The following SLC38A1 variants were observed in gnomAD, a reference collection of about 807,000 sequenced individuals.
SLC38A1 encodes sodium-coupled neutral amino acid symporter 1.
A neutral mutation model predicts 60.3 loss-of-function variants in SLC38A1; 18 were observed. The observed-to-expected ratio is 0.30, with a 90% CI of 0.21 to 0.44. The LOEUF is 0.44. Ranked by LOEUF, SLC38A1 falls within the 20% of genes least tolerant of loss-of-function variation. The probability of loss-of-function intolerance (pLI) is 1.00; values close to 1 mark genes in which losing one functional copy is unlikely to be tolerated. For missense variants in SLC38A1, 448 were observed against 587.2 expected (o/e 0.76, Z 2.45); for synonymous variants, 196 against 212.1 (o/e 0.92, Z 0.66).
At chr12:46,211,912 C>T (rs779662665) in intron 5 of SLC38A1, among the ~76,000 whole-genome samples, 1 of 152,170 alleles carries the variant, frequency 6.6e-6, no homozygotes, top group Non-Finnish European at 1.5e-5. Context: ...AGCAAAACCC[C>T]CTTTTCTATC....
At chr12:46,259,927 T>C (rs1942147268) in intron 1 of SLC38A1, among the ~76,000 whole-genome samples, 1 of 152,172 alleles carries the variant, frequency 6.6e-6, no homozygotes, top group African/African-American at 2.4e-5. Flanking sequence ...ACCACTCCCC[T>C]GAAATCATGC....
chr12:46,243,480 C>G (rs1375319115), intron 1 of SLC38A1, among the ~76,000 whole-genome samples, 166 bp from the exon 2 acceptor site: 1 of 152,144 alleles, frequency 6.6e-6, no homozygotes, highest in Non-Finnish European at 1.5e-5. Context: ...ACTGTTGATA[C>G]TTGGTTAACT....
At chr12:46,216,752 C>T (rs1368053993) in intron 5 of SLC38A1, among the ~76,000 whole-genome samples, 5 of 151,922 alleles carry the variant, frequency 3.3e-5, no homozygotes, top group Middle Eastern at 3.2e-3. Context: ...CCCAGCTACT[C>T]GGGAGGCTGA....
rs191210980 is a variant in SLC38A1 at position 46,261,416 on chromosome 12, G to T, written c.-209+7110C>A. Among the ~76,000 whole-genome samples the T allele has an allele frequency of 5.5e-3, 844 of 152,204 alleles. 7 individuals are homozygous for T. Among genetic ancestry groups the T allele is most frequent in the Non-Finnish European group, 5.8e-3 (393 of 68,012 alleles). On this transcript the variant is annotated intron_variant, in intron 1 of 16. Coordinates refer to ENST00000398637, the MANE Select transcript of SLC38A1 (RefSeq NM_030674.4). ...TTATTTACAATTTCAATTCCTTGGG[G>T]ACAAGGACCATACATCTCAAAGGTC...
At chr12:46,192,361 C>T (rs982082145) in intron 16 of SLC38A1, among the ~76,000 whole-genome samples, 3 of 152,186 alleles carry the variant, frequency 2.0e-5, no homozygotes, top group Admixed American at 6.5e-5. Flanking sequence ...ATTTTCAAAT[C>T]AATGTTCCTC....
At chr12:46,192,642 C>T (rs1939192987) in intron 16 of SLC38A1, among the ~76,000 whole-genome samples, 1 of 152,190 alleles carries the variant, frequency 6.6e-6, no homozygotes, top group East Asian at 1.9e-4. Flanking sequence ...GATTCAGCTT[C>T]TTCCTGGTTT....
At chr12:46,214,419 T>G (rs1255162370) in intron 5 of SLC38A1, among the ~76,000 whole-genome samples, 3 of 152,356 alleles carry the variant, frequency 2.0e-5, no homozygotes, top group East Asian at 3.9e-4. Context: ...TGAATCATAT[T>G]AACAGAATTG....
chr12:46,246,671 T>A (rs1354317716), intron 1 of SLC38A1, among the ~76,000 whole-genome samples: 2 of 152,318 alleles, frequency 1.3e-5, no homozygotes, highest in East Asian at 3.9e-4. Context: ...CCCAGCATGA[T>A]GTTTGAGCTC....
chr12:46,223,211 G>A (rs1940727589), intron 5 of SLC38A1, among the ~76,000 whole-genome samples: 1 of 152,108 alleles, frequency 6.6e-6, no homozygotes, highest in South Asian at 2.1e-4. Context: ...TTTCTAATGT[G>A]TGATCACAGG....
chr12:46,207,437 T>C, intron 7 of SLC38A1, 92 bp downstream of exon 7: 1 of 1,282,268 alleles, frequency 7.8e-7, no homozygotes, highest in South Asian at 1.2e-5. Flanking sequence ...GCAATGAGGA[T>C]GATAACTGCT....
intron 16 of SLC38A1, among the ~76,000 whole-genome samples, chr12:46,190,112 G>C (rs1939084634): frequency 6.6e-6 from 1 of 152,048 alleles, no homozygotes; most frequent in Admixed American, 6.6e-5. Flanking sequence ...GACAGGCCCT[G>C]GTGTGTGATA....
At chr12:46,233,784 CTT>C (rs762301306) in intron 3 of SLC38A1, among the ~76,000 whole-genome samples, 116 of 152,318 alleles carry the variant, frequency 7.6e-4, no homozygotes, top group Non-Finnish European at 1.3e-3. Context: ...GGTTCTGTCT[CTT>C]TCAGTCTACT....
At chr12:46,247,528 G>A (rs1169286191) in intron 1 of SLC38A1, among the ~76,000 whole-genome samples, 1 of 152,190 alleles carries the variant, frequency 6.6e-6, no homozygotes, top group Admixed American at 6.5e-5. Context: ...AGAAATATGG[G>A]ACTATGTGAA....
At position 46,207,163 on chromosome 12, in the gene SLC38A1, C is replaced by A; in HGVS notation, c.555G>T (p.Glu185Asp). The change falls in exon 8 of 17, where the codon GAG (glutamate) becomes GAT (aspartate). Residue 185 changes from glutamate to aspartate, a missense_variant. Around this residue, in one of 2 missense-constraint regions of SLC38A1, gnomAD observed 346 missense variants for 497.5 expected, o/e 0.70. Coordinates refer to ENST00000398637, the MANE Select transcript of SLC38A1 (RefSeq NM_030674.4). ...SAIKFLMGKE[E>D]TFSAWYVDGR... ...AATGGTCTATAACTTACGAAAATGT[C>A]TCTTCCTTTCCCATTAGAAACTTTA... 6.2e-7 allele frequency: 1 copy of A among 1,607,800 alleles called. No individual in the cohort carries two copies. Among genetic ancestry groups the A allele is most frequent in the Non-Finnish European group, 8.5e-7 (1 of 1,176,598 alleles).
chr12:46,210,650 C>A (rs1940119388), intron 5 of SLC38A1, among the ~76,000 whole-genome samples: 1 of 152,052 alleles, frequency 6.6e-6, no homozygotes, highest in Non-Finnish European at 1.5e-5. Flanking sequence ...GGGGGCAGTT[C>A]TCTCATACTG....
At position 46,183,594 on chromosome 12, in the gene SLC38A1, T is replaced by G. The variant is rs1363180616; in HGVS notation, c.*5376A>C. 6.6e-6 allele frequency: 1 copy of G among 152,072 alleles called. No individual in the cohort carries two copies. Among genetic ancestry groups the G allele is most frequent in the East Asian group, 1.9e-4 (1 of 5,196 alleles). The allele number at this position is 152,072 out of a possible 1,614,324, so 9.4% of individuals were successfully genotyped here. On this transcript the variant is annotated 3_prime_UTR_variant, in exon 17 of 17. Transcript: ENST00000398637. ...AAAACATTCTTCTCCCCAGCTTCTG[T>G]TTTCATATGTACTGTGTAGTGGTAT...
chr12:46,241,597 TTCCTC>T (rs1941450960), intron 2 of SLC38A1, among the ~76,000 whole-genome samples: 1 of 152,206 alleles, frequency 6.6e-6, no homozygotes, highest in East Asian at 1.9e-4. Context: ...CTGAGGCTGA[TTCCTC>T]TAACCACAGT....
chr12:46,190,541 C>T (rs1939103931), intron 16 of SLC38A1, among the ~76,000 whole-genome samples: 1 of 152,208 alleles, frequency 6.6e-6, no homozygotes, highest in Non-Finnish European at 1.5e-5. Flanking sequence ...AACTAATTTA[C>T]ACTCCCACCA....
At chr12:46,247,447 C>T (rs561468926) in intron 1 of SLC38A1, among the ~76,000 whole-genome samples, 1 of 152,030 alleles carries the variant, frequency 6.6e-6, no homozygotes, top group South Asian at 2.1e-4. Context: ...GATTGAAGAT[C>T]AAATTAATGA....
Sources: allele counts gnomAD v4.1 joint callset (sites outside exome capture counted in the v4.1 genomes callset), GRCh38; gene constraint gnomAD v4.1.1; regional missense constraint gnomAD v4.1.1; transcripts MANE v1.5; gene names NCBI Gene and HGNC (gene_info 2026-07-23, HGNC 2026-07-21).